NCAM2: variants seen among roughly 807,000 people sequenced by gnomAD.
The protein encoded by NCAM2 is N-CAM-2.
In NCAM2, 30 loss-of-function variants were observed where a neutral mutation model predicts 98.1. The observed-to-expected ratio is 0.31, with a 90% CI of 0.23 to 0.41. NCAM2 has a LOEUF of 0.41. NCAM2 is among the 10% of genes least tolerant of loss of function. The pLI, the probability that NCAM2 is intolerant of heterozygous loss-of-function variation, is 1.00. For missense variants in NCAM2, 867 were observed against 1,005.8 expected (o/e 0.86, Z 1.87); for synonymous variants, 368 against 342.4 (o/e 1.07, Z -0.83).
chr21:21,317,390 C>A (rs926458320), intron 5 of NCAM2, among the ~76,000 whole-genome samples: 4 of 152,122 alleles, frequency 2.6e-5, no homozygotes, highest in Non-Finnish European at 5.9e-5. Flanking sequence ...TACTTTCCAA[C>A]AGATTATTTT....
intron 15 of NCAM2, among the ~76,000 whole-genome samples, chr21:21,490,973 A>G (rs1986802074): frequency 6.6e-6 from 1 of 151,820 alleles, no homozygotes; most frequent in South Asian, 2.1e-4. Context: ...AAAACTGAGG[A>G]AAAGCTTTGT....
At chr21:21,081,132 T>C (rs2065789356) in intron 1 of NCAM2, among the ~76,000 whole-genome samples, 2 of 152,128 alleles carry the variant, frequency 1.3e-5, no homozygotes, top group Non-Finnish European at 2.9e-5. Context: ...GAGGGGAGCA[T>C]GCACAGTGTG....
intron 1 of NCAM2, among the ~76,000 whole-genome samples, chr21:21,025,234 T>C (rs8132294): frequency 0.012 from 1,867 of 152,074 alleles, 32 homozygotes; most frequent in African/African-American, 0.042. Flanking sequence ...TACAGGTGCC[T>C]GCCACCATGC....
At chr21:21,396,482 G>A (rs1407104468) in intron 9 of NCAM2, among the ~76,000 whole-genome samples, 1 of 152,164 alleles carries the variant, frequency 6.6e-6, no homozygotes, top group Non-Finnish European at 1.5e-5. Flanking sequence ...GTGGCTGGTA[G>A]TACCTCTGCT....
intron 12 of NCAM2, among the ~76,000 whole-genome samples, chr21:21,435,626 G>T (rs1473235390): frequency 6.6e-6 from 1 of 151,956 alleles, no homozygotes. Context: ...CAAATCTTAG[G>T]TATTTAATGT....
At chr21:21,386,386 C>T (rs552526478) in intron 9 of NCAM2, among the ~76,000 whole-genome samples, 22 of 152,224 alleles carry the variant, frequency 1.4e-4, no homozygotes, top group Non-Finnish European at 2.2e-4. Context: ...CACCATAGTA[C>T]ATTTAAGCCA....
intron 12 of NCAM2, among the ~76,000 whole-genome samples, chr21:21,437,325 A>G (rs774341244): frequency 2.4e-4 from 36 of 152,140 alleles, no homozygotes; most frequent in Non-Finnish European, 4.9e-4. Flanking sequence ...GGGGCATGCC[A>G]GAAATTCCAC....
intron 1 of NCAM2, among the ~76,000 whole-genome samples, chr21:21,135,280 A>C (rs2067025444): frequency 6.6e-6 from 1 of 151,012 alleles, no homozygotes; most frequent in South Asian, 2.1e-4. Context: ...GAACTCAATC[A>C]GTCCTCCACT....
intron 1 of NCAM2, among the ~76,000 whole-genome samples, chr21:21,004,914 A>T (rs1482589028): frequency 1.3e-5 from 2 of 152,194 alleles, no homozygotes; most frequent in African/African-American, 4.8e-5. Flanking sequence ...CCATTCAGTG[A>T]AACAGAAAGG....
chr21:21,255,809 G>C (rs1359135827), intron 1 of NCAM2, among the ~76,000 whole-genome samples: 1 of 152,074 alleles, frequency 6.6e-6, no homozygotes, highest in Non-Finnish European at 1.5e-5. Flanking sequence ...GTGATGATTA[G>C]GTCTAAGAGT....
At chr21:21,418,786 C>A (rs2145958555) in intron 11 of NCAM2, among the ~76,000 whole-genome samples, 1 of 152,078 alleles carries the variant, frequency 6.6e-6, no homozygotes, top group South Asian at 2.1e-4. Flanking sequence ...CAGTTGATTA[C>A]AAAGAATAAG....
chr21:21,284,448 A>G, intron 3 of NCAM2, 48 bp downstream of exon 3: 1 of 1,393,394 alleles, frequency 7.2e-7, no homozygotes, highest in Non-Finnish European at 1.0e-6. Context: ...TCAGTTGCTT[A>G]TAAATAACCG....
chr21:21,374,984 G>C (rs1230060444), intron 9 of NCAM2, among the ~76,000 whole-genome samples: 1 of 151,344 alleles, frequency 6.6e-6, no homozygotes, highest in African/African-American at 2.4e-5. Flanking sequence ...AGACCAATCA[G>C]AAACTTCTAA....
intron 9 of NCAM2, among the ~76,000 whole-genome samples, chr21:21,402,639 C>G (rs372612948): frequency 3.3e-5 from 5 of 152,228 alleles, no homozygotes; most frequent in South Asian, 2.1e-4. Context: ...ACACTCCCTC[C>G]CCTTTTGAAA....
chr21:21,188,853 A>G (rs150386580), intron 1 of NCAM2, among the ~76,000 whole-genome samples: 149 of 152,330 alleles, frequency 9.8e-4, no homozygotes, highest in Admixed American at 1.6e-3. Flanking sequence ...CTTGAGTGGT[A>G]ATTAAAAAAT....
rs191658078 is a variant in NCAM2 at position 21,450,087 on chromosome 21, C to A, written c.1655-16519C>A. Reference sequence around the variant, plus strand: ...CACATAACAGTGTTATTTAAAGATGCACCTATTCCAGGGTATTTGAAAGAT... The same window carrying A: ...CACATAACAGTGTTATTTAAAGATGAACCTATTCCAGGGTATTTGAAAGAT... On this transcript the variant is annotated intron_variant, in intron 12 of 17. Transcript: ENST00000400546. Among the ~76,000 whole-genome samples, 65 of 152,042 alleles carry A rather than the reference C, an allele frequency of 4.3e-4. No individual in the cohort carries two copies. In the East Asian group the frequency reaches 0.012, roughly 27 times the overall value.
intron 1 of NCAM2, among the ~76,000 whole-genome samples, chr21:21,072,268 A>G (rs1251170360): frequency 6.6e-6 from 1 of 152,178 alleles, no homozygotes; most frequent in Non-Finnish European, 1.5e-5. Context: ...AAATGGAATT[A>G]TCAGAATCCA....
intron 1 of NCAM2, among the ~76,000 whole-genome samples, chr21:21,125,637 A>G (rs1325168259): frequency 3.6e-5 from 5 of 137,170 alleles, no homozygotes; most frequent in Non-Finnish European, 6.2e-5. Context: ...AATATATAAT[A>G]TTTTACGTGT....
chr21:21,117,640 T>C (rs1349290574), intron 1 of NCAM2, among the ~76,000 whole-genome samples: 1 of 152,158 alleles, frequency 6.6e-6, no homozygotes. Context: ...AATAAGCCAA[T>C]ATTATTCTTT....
Sources: allele counts gnomAD v4.1 joint callset (sites outside exome capture counted in the v4.1 genomes callset), GRCh38; gene constraint gnomAD v4.1.1; transcripts MANE v1.5; gene names NCBI Gene and HGNC (gene_info 2026-07-23, HGNC 2026-07-21).